The following CNTNAP2 variants were observed in gnomAD, a reference collection of about 807,000 sequenced individuals.
CNTNAP2 encodes contactin associated protein 2, also known as contactin-associated protein-like 2.
A neutral mutation model predicts 155.2 loss-of-function variants in CNTNAP2; 98 were observed. The observed-to-expected ratio is 0.63, with a 90% CI of 0.54 to 0.75. The LOEUF (loss-of-function observed/expected upper bound fraction) is 0.75, where lower values mean the gene tolerates loss of function less well. CNTNAP2 is among the 30% of genes least tolerant of loss of function. The pLI, the probability that CNTNAP2 is intolerant of heterozygous loss-of-function variation, is 0.00. For missense variants in CNTNAP2, 1,727 were observed against 1,688.1 expected, an observed-to-expected ratio of 1.02 and a Z score of -0.40; for synonymous variants, 651 against 631.2, an observed-to-expected ratio of 1.03 and a Z score of -0.47.
chr7:147,636,395 T>C (rs905816517), intron 12 of CNTNAP2, among the ~76,000 whole-genome samples: 3 of 152,116 alleles, frequency 2.0e-5, no homozygotes, highest in Admixed American at 6.6e-5. Context: ...TGTTCCTAGA[T>C]TGAGTAGCTT....
At chr7:148,127,280 C>A (rs1446591475) in intron 16 of CNTNAP2, among the ~76,000 whole-genome samples, 1 of 152,038 alleles carries the variant, frequency 6.6e-6, no homozygotes, top group East Asian at 1.9e-4. Context: ...CAGAGCAAGA[C>A]CCTATCTCAA....
At chr7:147,203,349 A>G (rs927993020) in intron 8 of CNTNAP2, among the ~76,000 whole-genome samples, 28 of 152,052 alleles carry the variant, frequency 1.8e-4, no homozygotes, top group African/African-American at 6.3e-4. Context: ...GGTTCAAGCA[A>G]TTCTCCCCAG....
chr7:147,396,436 A>G (rs1525219), intron 10 of CNTNAP2, among the ~76,000 whole-genome samples: 90,096 of 151,588 alleles, frequency 0.59, 27,044 homozygotes, highest in African/African-American at 0.66. Context: ...GTCAGTGTGC[A>G]AGATGGGTAT....
At chr7:148,370,638 C>T (rs553610066) in intron 21 of CNTNAP2, among the ~76,000 whole-genome samples, 2 of 134,762 alleles carry the variant, frequency 1.5e-5, no homozygotes, top group African/African-American at 2.6e-5. Context: ...CTGGTCCCCC[C>T]CTACCCCTGC....
At chr7:148,387,951 A>G (rs1799254708) in intron 22 of CNTNAP2, among the ~76,000 whole-genome samples, 1 of 152,120 alleles carries the variant, frequency 6.6e-6, no homozygotes, top group African/African-American at 2.4e-5. Context: ...CCTCACTGCT[A>G]CACTCCCATC....
intron 8 of CNTNAP2, among the ~76,000 whole-genome samples, chr7:147,139,081 T>C (rs537995536): frequency 1.3e-5 from 2 of 152,120 alleles, no homozygotes; most frequent in East Asian, 3.9e-4. Context: ...ATGCATGTAG[T>C]TGAAGATGTT....
At chr7:147,582,553 C>T (rs1312818792) in intron 12 of CNTNAP2, among the ~76,000 whole-genome samples, 2 of 152,092 alleles carry the variant, frequency 1.3e-5, no homozygotes, top group African/African-American at 4.8e-5. Context: ...ATCTACAAAA[C>T]ATTCTGGAGA....
intron 13 of CNTNAP2, among the ~76,000 whole-genome samples, chr7:147,652,931 G>T (rs1795470136): frequency 6.6e-6 from 1 of 152,062 alleles, no homozygotes; most frequent in Non-Finnish European, 1.5e-5. Flanking sequence ...TATAAGAGCT[G>T]CACAAACTTC....
intron 1 of CNTNAP2, among the ~76,000 whole-genome samples, chr7:146,372,433 C>T (rs1329568476): frequency 3.3e-5 from 5 of 152,046 alleles, no homozygotes; most frequent in Admixed American, 3.3e-4. Context: ...TACAAAATTT[C>T]TCTGAGATTT....
chr7:148,346,171 G>A (rs1381962889), intron 21 of CNTNAP2, among the ~76,000 whole-genome samples: 1 of 152,106 alleles, frequency 6.6e-6, no homozygotes, highest in East Asian at 1.9e-4. Context: ...AGCAGAACCT[G>A]AACTCTGAGT....
chr7:148,119,602 T>C (rs562739377), intron 16 of CNTNAP2, among the ~76,000 whole-genome samples: 10 of 152,306 alleles, frequency 6.6e-5, no homozygotes, highest in Admixed American at 5.9e-4. Flanking sequence ...CTGGGTCTGG[T>C]CTGAGAATGA....
At chr7:147,925,292 GCACACACACACACACACA>G (rs71183036) in intron 14 of CNTNAP2, among the ~76,000 whole-genome samples, 2 of 143,116 alleles carry the variant, frequency 1.4e-5, no homozygotes, top group South Asian at 2.3e-4. Context: ...AAGCGCGCGC[GCACACACACACACACACA>G]CACACACACA....
At chr7:146,856,106 C>T (rs1385984237) in intron 3 of CNTNAP2, among the ~76,000 whole-genome samples, 5 of 151,642 alleles carry the variant, frequency 3.3e-5, no homozygotes, top group Non-Finnish European at 5.9e-5. Flanking sequence ...TAAGAGCCAA[C>T]TTGAAATAAT....
chr7:146,315,691 T>C (rs532116681), intron 1 of CNTNAP2, among the ~76,000 whole-genome samples: 1 of 152,358 alleles, frequency 6.6e-6, no homozygotes, highest in African/African-American at 2.4e-5. Context: ...CATTTGTATT[T>C]TTTCAATTAG....
At chr7:148,070,282 A>G (rs1361890914) in intron 15 of CNTNAP2, among the ~76,000 whole-genome samples, 1 of 152,272 alleles carries the variant, frequency 6.6e-6, no homozygotes, top group Non-Finnish European at 1.5e-5. Flanking sequence ...CCTCTGAAAT[A>G]GACATTGCAC....
intron 15 of CNTNAP2, among the ~76,000 whole-genome samples, chr7:147,996,751 C>T (rs1801810171): frequency 6.6e-6 from 1 of 152,010 alleles, no homozygotes; most frequent in African/African-American, 2.4e-5. Context: ...TTGCTAAAGG[C>T]AACAGTTATT....
chr7:148,326,741 T>C (rs1797896858), intron 21 of CNTNAP2, among the ~76,000 whole-genome samples: 1 of 152,002 alleles, frequency 6.6e-6, no homozygotes, highest in South Asian at 2.1e-4. Context: ...GGTGGGCACC[T>C]GTAGTCCCAG....
chr7:146,568,371 G>A (rs1798389498), intron 1 of CNTNAP2, among the ~76,000 whole-genome samples: 1 of 152,154 alleles, frequency 6.6e-6, no homozygotes, highest in South Asian at 2.1e-4. Context: ...TTAATTTCCT[G>A]CAGAGAGGTA....
chr7:147,387,991 G>A (rs1353619773), intron 9 of CNTNAP2, among the ~76,000 whole-genome samples: 1 of 152,050 alleles, frequency 6.6e-6, no homozygotes, highest in Non-Finnish European at 1.5e-5. Context: ...GTATTACTTA[G>A]TGTAGTGCTA....
Sources: allele counts gnomAD v4.1 joint callset (sites outside exome capture counted in the v4.1 genomes callset), GRCh38; gene constraint gnomAD v4.1.1; transcripts MANE v1.5; gene names NCBI Gene and HGNC (gene_info 2026-07-23, HGNC 2026-07-21).